DRD2: variants seen among roughly 807,000 people sequenced by gnomAD.
DRD2 encodes the protein dopamine receptor D2.
A neutral mutation model predicts 38.0 loss-of-function variants in DRD2; 8 were observed. That is an observed-to-expected ratio of 0.21 (90% confidence interval 0.12 to 0.38). The LOEUF is 0.38. DRD2 is among the 10% of genes least tolerant of loss of function. The pLI is 1.00. For synonymous variants in DRD2, 230 were observed against 238.6 expected (o/e 0.96, Z 0.33); for missense variants, 403 against 607.7 (o/e 0.66, Z 3.54).
chr11:113,418,484 A>G (rs2138168546), intron 2 of DRD2, among the ~76,000 whole-genome samples: 1 of 152,292 alleles, frequency 6.6e-6, no homozygotes, highest in East Asian at 1.9e-4. Flanking sequence ...CCCATTCATC[A>G]CAGAGACACC....
At chr11:113,428,120 A>G (rs1321278764) in intron 1 of DRD2, among the ~76,000 whole-genome samples, 2 of 152,074 alleles carry the variant, frequency 1.3e-5, no homozygotes, top group Non-Finnish European at 2.9e-5. Flanking sequence ...AATCCACCCA[A>G]TCTGTGGAAT....
At chr11:113,424,878 A>G (rs747858614) in intron 1 of DRD2, 196 bp from the exon 2 acceptor site, 11 of 595,818 alleles carry the variant, frequency 1.8e-5, no homozygotes, top group Non-Finnish European at 3.3e-5. Context: ...TGGTAGGACA[A>G]ATGAGCAAAC....
chr11:113,466,360 G>A (rs1951368734), intron 1 of DRD2, among the ~76,000 whole-genome samples: 1 of 152,184 alleles, frequency 6.6e-6, no homozygotes, highest in Admixed American at 6.5e-5. Context: ...CTCAATAACA[G>A]CTCTTTTGTC....
At chr11:113,452,763 T>G (rs1161975757) in intron 1 of DRD2, among the ~76,000 whole-genome samples, 1 of 151,664 alleles carries the variant, frequency 6.6e-6, no homozygotes, top group African/African-American at 2.4e-5. Flanking sequence ...TTCTCCTGCC[T>G]CAGCCTCTTG....
intron 1 of DRD2, among the ~76,000 whole-genome samples, chr11:113,433,308 G>A (rs768262445): frequency 2.0e-5 from 3 of 152,134 alleles, no homozygotes; most frequent in Non-Finnish European, 4.4e-5. Context: ...AAGAAATGCA[G>A]ATTGCTCTTT....
At chr11:113,433,233 G>T (rs1951005215) in intron 1 of DRD2, among the ~76,000 whole-genome samples, 1 of 152,208 alleles carries the variant, frequency 6.6e-6, no homozygotes, top group African/African-American at 2.4e-5. Context: ...CCAGGCCCGA[G>T]TGCACAGGGG....
At chr11:113,432,888 G>C (rs1177960812) in intron 1 of DRD2, among the ~76,000 whole-genome samples, 1 of 152,200 alleles carries the variant, frequency 6.6e-6, no homozygotes, top group African/African-American at 2.4e-5. Flanking sequence ...ACATCCAAGG[G>C]AAAAGGAGAG....
intron 2 of DRD2, among the ~76,000 whole-genome samples, chr11:113,421,315 C>T (rs1021163320): frequency 6.6e-6 from 1 of 152,210 alleles, no homozygotes; most frequent in Non-Finnish European, 1.5e-5. Flanking sequence ...CCCTGTCAAC[C>T]TCTGCATCCC....
intron 1 of DRD2, among the ~76,000 whole-genome samples, chr11:113,430,088 C>T (rs899299990): frequency 2.0e-5 from 3 of 152,216 alleles, no homozygotes; most frequent in African/African-American, 7.2e-5. Context: ...CCACTGCCTC[C>T]TATGGCCCAT....
intron 1 of DRD2, among the ~76,000 whole-genome samples, chr11:113,444,184 C>T (rs553912181): frequency 2.4e-4 from 36 of 152,266 alleles, no homozygotes; most frequent in Non-Finnish European, 4.6e-4. Flanking sequence ...CACAGGCATG[C>T]ACCACCACAC....
intron 1 of DRD2, among the ~76,000 whole-genome samples, chr11:113,461,906 C>G (rs1186611403): frequency 1.3e-5 from 2 of 152,220 alleles, no homozygotes; most frequent in Non-Finnish European, 2.9e-5. Flanking sequence ...ACCACCCTCA[C>G]AGGGCCTGTG....
At chr11:113,424,226 G>A in intron 2 of DRD2, 141 bp downstream of exon 2, 1 of 835,438 alleles carries the variant, frequency 1.2e-6, no homozygotes, top group Non-Finnish European at 1.9e-6. Flanking sequence ...AGGAGAAAAA[G>A]TAAGCCCAGA....
intron 1 of DRD2, among the ~76,000 whole-genome samples, chr11:113,450,719 T>C (rs1355520331): frequency 6.6e-6 from 1 of 152,192 alleles, no homozygotes; most frequent in Non-Finnish European, 1.5e-5. Context: ...TTATGGCCCC[T>C]GATTAATTCC....
At chr11:113,440,218 T>A (rs1054190645) in intron 1 of DRD2, among the ~76,000 whole-genome samples, 1 of 152,164 alleles carries the variant, frequency 6.6e-6, no homozygotes, top group Admixed American at 6.5e-5. Flanking sequence ...TCAGGAACAA[T>A]GCATACATAG....
At chr11:113,420,865 C>T (rs1029121118) in intron 2 of DRD2, among the ~76,000 whole-genome samples, 7 of 152,138 alleles carry the variant, frequency 4.6e-5, no homozygotes, top group East Asian at 1.9e-4. Flanking sequence ...GTTCCCTAGT[C>T]GAACCCAAGG....
chr11:113,428,911 G>C (rs1950962229), intron 1 of DRD2, among the ~76,000 whole-genome samples: 1 of 152,288 alleles, frequency 6.6e-6, no homozygotes, highest in Non-Finnish European at 1.5e-5. Context: ...ACAGGCACTA[G>C]TCTAGGATTT....
chr11:113,441,320 G>C (rs1951089748), intron 1 of DRD2, among the ~76,000 whole-genome samples: 1 of 152,186 alleles, frequency 6.6e-6, no homozygotes, highest in Non-Finnish European at 1.5e-5. Context: ...TACACAGCTA[G>C]TCTCCAACAG....
intron 1 of DRD2, among the ~76,000 whole-genome samples, chr11:113,451,327 T>C (rs1041196425): frequency 6.6e-6 from 1 of 152,178 alleles, no homozygotes; most frequent in East Asian, 1.9e-4. Context: ...GAAAAGATGG[T>C]AACATGTGAG....
intron 1 of DRD2, among the ~76,000 whole-genome samples, chr11:113,437,971 GC>G (rs1213859116): frequency 6.6e-6 from 1 of 152,118 alleles, no homozygotes; most frequent in Non-Finnish European, 1.5e-5. Context: ...GTGCAGAGGA[GC>G]CCCCAGCTGC....
Sources: allele counts gnomAD v4.1 joint callset (sites outside exome capture counted in the v4.1 genomes callset), GRCh38; gene constraint gnomAD v4.1.1; transcripts MANE v1.5; gene names NCBI Gene and HGNC (gene_info 2026-07-23, HGNC 2026-07-21).